The following MEIS1 variants were observed in gnomAD, a reference collection of about 807,000 sequenced individuals.
MEIS1 encodes homeobox protein Meis1.
In MEIS1, 5 loss-of-function variants were observed where a neutral mutation model predicts 50.8. The ratio of observed to expected loss-of-function variants is 0.10; its 90% CI spans 0.05 to 0.21. The LOEUF is 0.21. Ranked by LOEUF, MEIS1 falls within the 10% of genes least tolerant of loss-of-function variation. MEIS1 has a pLI of 1.00. For synonymous variants in MEIS1, 176 were observed against 179.3 expected, an observed-to-expected ratio of 0.98 and a Z score of 0.15; for missense variants, 318 against 517.3, an observed-to-expected ratio of 0.61 and a Z score of 3.74.
At chr2:66,567,942 A>T in intron 10 of MEIS1, 1 of 327,574 alleles carries the variant, frequency 3.1e-6, no homozygotes, top group South Asian at 3.7e-5. Flanking sequence ...GTTCAAAGAC[A>T]TTCAATGAGG....
At position 66,572,974 on chromosome 2, in the gene MEIS1, T is replaced by G. The variant is rs1675512255; in HGVS notation, c.*1766T>G. The stretch of plus-strand genomic sequence containing the variant: ...AATTTGAGGCCTAAAGGCACTAAAC[T>G]AACTCTAGACTCAGAATTACATCCA... On this transcript the variant is annotated 3_prime_UTR_variant, in exon 13 of 13. Transcript: ENST00000272369. The G allele has an allele frequency of 6.6e-6, 1 of 152,248 alleles. No individual in the cohort carries two copies. Among genetic ancestry groups the G allele is most frequent in the Non-Finnish European group, 1.5e-5 (1 of 68,036 alleles). The allele number at this position is 152,248 out of a possible 1,614,324, so 9.4% of individuals were successfully genotyped here.
rs190071996 is a variant in MEIS1, at chr2:66,497,197, T to C, written c.743-14952T>C. ...CCTTGATCATTATCATTGTCTCTAATGGAGTAAATGGAAAGGGTAGTGGTA... is the reference window on the plus strand; with the variant it reads ...CCTTGATCATTATCATTGTCTCTAACGGAGTAAATGGAAAGGGTAGTGGTA... On this transcript the variant is annotated intron_variant, in intron 7 of 12. Coordinates refer to ENST00000272369, the MANE Select transcript of MEIS1 (RefSeq NM_002398.3). Among the ~76,000 whole-genome samples, 571 of 152,276 alleles carry C rather than the reference T, an allele frequency of 3.7e-3. 3 individuals are homozygous for C. The highest frequency in any genetic ancestry group is 0.013 in the African/African-American group (549 of 41,564).
intron 9 of MEIS1, among the ~76,000 whole-genome samples, chr2:66,555,673 G>A (rs1254345303): frequency 6.6e-6 from 1 of 152,090 alleles, no homozygotes; most frequent in African/African-American, 2.4e-5. Flanking sequence ...GTCAACAGTT[G>A]CTGAGGCTGG....
chr2:66,544,794 A>G (rs1373048555), intron 8 of MEIS1, among the ~76,000 whole-genome samples: 1 of 152,186 alleles, frequency 6.6e-6, no homozygotes, highest in Non-Finnish European at 1.5e-5. Flanking sequence ...GACAGAGGAA[A>G]AAAAGGGTAG....
At chr2:66,463,975 G>A in intron 6 of MEIS1, 134 bp from the exon 7 acceptor site, 1 of 641,218 alleles carries the variant, frequency 1.6e-6, no homozygotes, top group Non-Finnish European at 2.8e-6. Context: ...CTGGAACCAT[G>A]GTTGAAGGGG....
At chr2:66,461,897 G>C (rs945541538) in intron 6 of MEIS1, 2 of 470,610 alleles carry the variant, frequency 4.2e-6, no homozygotes, top group Admixed American at 4.7e-5. Context: ...GGTAGGCACA[G>C]ATCACAAACA....
chr2:66,543,579 A>G (rs1195761341), intron 8 of MEIS1, among the ~76,000 whole-genome samples: 1 of 152,084 alleles, frequency 6.6e-6, no homozygotes, highest in African/African-American at 2.4e-5. Context: ...CCCATACATA[A>G]TCACTGTTTT....
At position 66,439,793 on chromosome 2, in the gene MEIS1, G is replaced by T. The variant is rs375775712; in HGVS notation, c.240-50G>T. 54 of 1,607,522 alleles carry T rather than the reference G, an allele frequency of 3.4e-5. No homozygotes were observed. The African/African-American group carries it at 6.3e-4, about 19-fold the overall frequency. On this transcript the variant is annotated intron_variant, in intron 2 of 12. Coordinates refer to ENST00000272369, the MANE Select transcript of MEIS1 (RefSeq NM_002398.3). The stretch of plus-strand genomic sequence containing the variant: ...TTTTTCTTGGGCACCTTTTTCCATT[G>T]ACTGGGGACTAACCATTATGTTGTT...
chr2:66,474,831 A>G (rs887196915), intron 7 of MEIS1, among the ~76,000 whole-genome samples: 2 of 152,232 alleles, frequency 1.3e-5, no homozygotes, highest in Admixed American at 1.3e-4. Flanking sequence ...TGAAGACAGC[A>G]GAACTTCCTG....
intron 7 of MEIS1, among the ~76,000 whole-genome samples, chr2:66,484,725 A>AT (rs61402003): frequency 0.097 from 14,725 of 151,626 alleles, 1,396 homozygotes; most frequent in African/African-American, 0.24. Context: ...CACCTGGCTA[A>AT]TTTTTTTTAT....
intron 7 of MEIS1, among the ~76,000 whole-genome samples, chr2:66,467,366 G>GT (rs1435450888): frequency 7.0e-6 from 1 of 142,610 alleles, no homozygotes; most frequent in African/African-American, 2.8e-5. Context: ...GGAGGCCGAG[G>GT]TAGGGGGGGG....
intron 7 of MEIS1, among the ~76,000 whole-genome samples, chr2:66,466,757 T>C (rs1421555144): frequency 1.3e-5 from 2 of 152,222 alleles, no homozygotes; most frequent in Non-Finnish European, 2.9e-5. Context: ...TCCATAAATA[T>C]GTCTTTATAC....
At chr2:66,534,594 C>T (rs1674475086) in intron 8 of MEIS1, among the ~76,000 whole-genome samples, 1 of 152,052 alleles carries the variant, frequency 6.6e-6, no homozygotes, top group Non-Finnish European at 1.5e-5. Flanking sequence ...AAATGTGTAA[C>T]CACATCACTG....
intron 7 of MEIS1, among the ~76,000 whole-genome samples, chr2:66,488,291 G>A (rs1673188559): frequency 6.6e-6 from 1 of 152,150 alleles, no homozygotes; most frequent in Non-Finnish European, 1.5e-5. Flanking sequence ...GTTATATCAT[G>A]TATGAGGTCA....
intron 8 of MEIS1, among the ~76,000 whole-genome samples, chr2:66,515,728 TA>T: frequency 6.6e-6 from 1 of 152,294 alleles, no homozygotes; most frequent in Middle Eastern, 3.4e-3. Context: ...GAGGGTCTCT[TA>T]AAAGAAACTA....
intron 9 of MEIS1, among the ~76,000 whole-genome samples, chr2:66,558,193 C>A (rs897976091): frequency 4.2e-4 from 58 of 139,654 alleles, no homozygotes; most frequent in African/African-American, 1.5e-3. Flanking sequence ...GCAGGAGAAT[C>A]GCTTGAACGC....
At chr2:66,443,364 C>G (rs1048604426) in intron 6 of MEIS1, 2 of 276,394 alleles carry the variant, frequency 7.2e-6, no homozygotes, top group Non-Finnish European at 1.3e-5. Context: ...GTGACCGCCT[C>G]TGATTGTAGG....
intron 7 of MEIS1, among the ~76,000 whole-genome samples, chr2:66,503,735 CATT>C (rs1673614894): frequency 8.7e-6 from 1 of 114,878 alleles, no homozygotes; most frequent in African/African-American, 3.4e-5. Flanking sequence ...ATATATGGGG[CATT>C]TTTTTTTTTT....
chr2:66,440,449 T>G (rs528374048), intron 3 of MEIS1, 113 bp from the exon 4 acceptor site: 1 of 910,722 alleles, frequency 1.1e-6, no homozygotes, highest in Admixed American at 2.0e-5. Context: ...GAGGGTTACT[T>G]CCTGCCCCCG....
Sources: gnomAD v4.1 joint callset for allele counts (sites outside exome capture counted in the v4.1 genomes callset) on GRCh38, gnomAD v4.1.1 for gene constraint, MANE v1.5 for transcripts, NCBI Gene and HGNC (gene_info 2026-07-23, HGNC 2026-07-21) for gene names.